GC: variants seen among roughly 807,000 people sequenced by gnomAD.
The protein encoded by GC is GC vitamin D binding protein.
A neutral mutation model predicts 56.7 loss-of-function variants in GC; 43 were observed. That is an observed-to-expected ratio of 0.76 (90% CI 0.59 to 0.98). The LOEUF is 0.98. GC is among the 50% of genes least tolerant of loss of function. GC has a pLI of 0.00. For synonymous variants in GC, 216 were observed against 202.7 expected (o/e 1.07, Z -0.56); for missense variants, 529 against 545.9 (o/e 0.97, Z 0.31).
At chr4:71,794,478 T>C (rs140763635) in intron 1 of GC, among the ~76,000 whole-genome samples, 17,245 of 152,222 alleles carry the variant, frequency 0.11, 1,040 homozygotes, top group Middle Eastern at 0.13. Context: ...TGGTAGTTTG[T>C]ATTTCTGTGG....
At chr4:71,745,677 T>C (rs1161462268) in intron 12 of GC, among the ~76,000 whole-genome samples, 5 of 152,246 alleles carry the variant, frequency 3.3e-5, no homozygotes, top group Non-Finnish European at 7.3e-5. Context: ...AATATCTTCA[T>C]CTGGCATTTT....
chr4:71,790,386 T>A (rs560489443), intron 1 of GC, among the ~76,000 whole-genome samples: 32 of 152,064 alleles, frequency 2.1e-4, no homozygotes, highest in Non-Finnish European at 3.4e-4. Flanking sequence ...GCTGTGCCTT[T>A]GGGTTTAAAG....
intron 12 of GC, 95 bp from the exon 13 acceptor site, chr4:71,741,965 ATTTT>A: frequency 1.4e-6 from 1 of 696,046 alleles, no homozygotes; most frequent in Non-Finnish European, 2.6e-6. Context: ...AACTCATGCT[ATTTT>A]AATATTTATG....
At chr4:71,770,812 A>G (rs945544808) in intron 1 of GC, among the ~76,000 whole-genome samples, 1 of 152,202 alleles carries the variant, frequency 6.6e-6, no homozygotes, top group African/African-American at 2.4e-5. Context: ...TGACTATTAA[A>G]TGTAACTAGC....
upstream of GC, among the ~76,000 whole-genome samples, chr4:71,786,481 T>C (rs1367721542): frequency 6.6e-6 from 1 of 151,824 alleles, no homozygotes; most frequent in Non-Finnish European, 1.5e-5. Flanking sequence ...ACTGAATATA[T>C]ATATTTAACA....
At chr4:71,786,604 T>C (rs932169783), upstream of GC, among the ~76,000 whole-genome samples, 2 of 151,852 alleles carry the variant, frequency 1.3e-5, no homozygotes, top group Admixed American at 1.3e-4. Context: ...ATCTTGCCAT[T>C]GGCTTCAGAG....
At chr4:71,749,174 A>G (rs150681599) in intron 11 of GC, among the ~76,000 whole-genome samples, 13 of 152,318 alleles carry the variant, frequency 8.5e-5, no homozygotes, top group Middle Eastern at 3.4e-3. Flanking sequence ...TCAAATGTGC[A>G]CAAGTATCTC....
rs117987138 is a variant in GC at position 71,743,295 on chromosome 4, C to A, written c.*26-1425G>T. ...AAATGGAAATGAAACACATAGCCAA[C>A]CAAAGTTGGCTTAATGGTTTTAGGA... is the stretch of plus-strand genomic sequence containing the variant. On this transcript the variant is annotated intron_variant, in intron 12 of 12. Transcript: ENST00000273951. Among the ~76,000 whole-genome samples, 91 of 152,276 alleles carry A rather than the reference C, an allele frequency of 6.0e-4. 1 individual carries two copies. In the East Asian group the frequency reaches 0.016, roughly 27 times the overall value.
exon 1 of GC, chr4:71,803,927 T>G: frequency 6.7e-7 from 1 of 1,498,250 alleles, no homozygotes; most frequent in Middle Eastern, 1.7e-4. Context: ...ACGCAGTACC[T>G]CACTCCAAGA....
At chr4:71,779,004 A>AAC (rs1742593979) in intron 1 of GC, among the ~76,000 whole-genome samples, 1 of 151,098 alleles carries the variant, frequency 6.6e-6, no homozygotes, top group African/African-American at 2.4e-5. Flanking sequence ...CACACACAAA[A>AAC]ACACACACAG....
At chr4:71,745,360 AG>A (rs1741333323) in intron 12 of GC, among the ~76,000 whole-genome samples, 2 of 152,216 alleles carry the variant, frequency 1.3e-5, no homozygotes, top group Non-Finnish European at 2.9e-5. Flanking sequence ...ATAGTTGAAA[AG>A]CTGAATATGG....
At chr4:71,796,850 G>A (rs1437796643) in intron 1 of GC, among the ~76,000 whole-genome samples, 1 of 152,108 alleles carries the variant, frequency 6.6e-6, no homozygotes, top group Non-Finnish European at 1.5e-5. Context: ...TGGTGTTTTG[G>A]TGTGGATGTC....
chr4:71,792,821 T>A (rs1346523039), intron 1 of GC, among the ~76,000 whole-genome samples: 1 of 152,220 alleles, frequency 6.6e-6, no homozygotes, highest in Non-Finnish European at 1.5e-5. Flanking sequence ...TTAATCCATC[T>A]TGAATTAATT....
chr4:71,777,496 A>G (rs555988987), intron 1 of GC, among the ~76,000 whole-genome samples: 93 of 151,338 alleles, frequency 6.1e-4, no homozygotes, highest in Non-Finnish European at 9.6e-4. Flanking sequence ...CCACCAGGAT[A>G]TAATTCCTTA....
chr4:71,776,392 A>C (rs1383477057), intron 1 of GC, among the ~76,000 whole-genome samples: 1 of 151,918 alleles, frequency 6.6e-6, no homozygotes, highest in African/African-American at 2.4e-5. Context: ...TATGTTAAGT[A>C]AAATAAGCCA....
At chr4:71,767,714 T>C (rs12509152) in intron 3 of GC, among the ~76,000 whole-genome samples, 2,427 of 151,470 alleles carry the variant, frequency 0.016, 229 homozygotes, top group Admixed American at 0.14. Flanking sequence ...TTTGGTTACA[T>C]GGCTAAGTTC....
chr4:71,781,811 A>T (rs1742689097), intron 1 of GC, among the ~76,000 whole-genome samples: 1 of 151,830 alleles, frequency 6.6e-6, no homozygotes, highest in Admixed American at 6.6e-5. Context: ...AGATGTACCC[A>T]GTGGCTTGGG....
intron 1 of GC, among the ~76,000 whole-genome samples, chr4:71,772,387 G>T (rs1742369489): frequency 6.6e-6 from 1 of 152,066 alleles, no homozygotes; most frequent in Non-Finnish European, 1.5e-5. Flanking sequence ...GTATTCAAAT[G>T]GGGTACCCCC....
intron 2 of GC, among the ~76,000 whole-genome samples, chr4:71,768,751 G>A (rs888090424): frequency 3.3e-5 from 5 of 152,150 alleles, no homozygotes; most frequent in African/African-American, 1.2e-4. Context: ...GGCGTGAGCC[G>A]CCGTGCCCGA....
Sources: allele counts gnomAD v4.1 joint callset (sites outside exome capture counted in the v4.1 genomes callset), GRCh38; gene constraint gnomAD v4.1.1; transcripts MANE v1.5; gene names NCBI Gene and HGNC (gene_info 2026-07-23, HGNC 2026-07-21).